The following PTPRD variants were observed in gnomAD, a reference collection of about 807,000 sequenced individuals.
The protein encoded by PTPRD is protein tyrosine phosphatase receptor type D.
A neutral mutation model predicts 214.5 loss-of-function variants in PTPRD; 34 were observed. The observed-to-expected ratio is 0.16, with a 90% CI of 0.12 to 0.21. The LOEUF is 0.21. Among genes scored for constraint, PTPRD ranks in the 10% least tolerant of loss-of-function variants. PTPRD has a pLI of 1.00. For synonymous variants in PTPRD, 1,128 were observed against 845.7 expected (o/e 1.33, Z -5.79); for missense variants, 2,545 against 2,398.7 (o/e 1.06, Z -1.27).
At chr9:8,723,369 A>G (rs964030457) in intron 12 of PTPRD, among the ~76,000 whole-genome samples, 4 of 151,746 alleles carry the variant, frequency 2.6e-5, no homozygotes, top group African/African-American at 9.7e-5. Flanking sequence ...ATCCTCTCTT[A>G]CTCTCATATT....
intron 2 of PTPRD, among the ~76,000 whole-genome samples, chr9:10,363,991 G>GTTTTTGTTTTTTTTTTTTT (rs1555222212): frequency 2.8e-5 from 1 of 35,132 alleles, no homozygotes; most frequent in Non-Finnish European, 5.5e-5. Context: ...ACATTTTCGG[G>GTTTTTGTTTTTTTTTTTTT]TTTTTTTTTT....
chr9:8,552,172 C>G (rs1021816868), intron 14 of PTPRD, among the ~76,000 whole-genome samples: 1 of 151,898 alleles, frequency 6.6e-6, no homozygotes, highest in African/African-American at 2.4e-5. Flanking sequence ...TGACCTATTA[C>G]CAATAACCAC....
intron 11 of PTPRD, among the ~76,000 whole-genome samples, chr9:8,786,616 C>T (rs1330747370): frequency 7.9e-5 from 12 of 151,178 alleles, no homozygotes; most frequent in Admixed American, 7.2e-4. Context: ...GGTTTCACCA[C>T]GTTGGCGAGG....
intron 11 of PTPRD, among the ~76,000 whole-genome samples, chr9:8,862,439 A>G (rs951337376): frequency 6.6e-6 from 1 of 152,214 alleles, no homozygotes; most frequent in African/African-American, 2.4e-5. Flanking sequence ...TTAAGGTGCC[A>G]TGCTAAATTT....
intron 34 of PTPRD, among the ~76,000 whole-genome samples, chr9:8,443,003 G>T (rs992314571): frequency 1.3e-5 from 2 of 152,130 alleles, no homozygotes; most frequent in Non-Finnish European, 2.9e-5. Flanking sequence ...AAATGAACCG[G>T]GCATTGTGGC....
intron 9 of PTPRD, among the ~76,000 whole-genome samples, chr9:9,187,507 G>A (rs2099932361): frequency 6.6e-6 from 1 of 152,076 alleles, no homozygotes; most frequent in African/African-American, 2.4e-5. Flanking sequence ...AGATGAATAA[G>A]AGAGTGTGAT....
intron 11 of PTPRD, among the ~76,000 whole-genome samples, chr9:8,792,014 G>A (rs1246607628): frequency 6.6e-6 from 1 of 152,152 alleles, no homozygotes; most frequent in Non-Finnish European, 1.5e-5. Flanking sequence ...TGAGAATTAT[G>A]AGGGAATGTG....
intron 35 of PTPRD, among the ~76,000 whole-genome samples, chr9:8,420,215 T>C (rs1181896127): frequency 6.6e-6 from 1 of 152,126 alleles, no homozygotes; most frequent in Non-Finnish European, 1.5e-5. Context: ...AATTTATGCA[T>C]CATTTATTTT....
intron 5 of PTPRD, among the ~76,000 whole-genome samples, chr9:9,820,130 C>T (rs2050199279): frequency 6.6e-6 from 1 of 152,138 alleles, no homozygotes; most frequent in African/African-American, 2.4e-5. Context: ...TCCCTTGAAA[C>T]CACACCTTGC....
chr9:10,190,718 C>CAAAAAAAAAAAAAAAAAAAA (rs57891244), intron 3 of PTPRD, among the ~76,000 whole-genome samples: 1 of 44,214 alleles, frequency 2.3e-5, no homozygotes, highest in Non-Finnish European at 4.3e-5. Flanking sequence ...AACTCTGTCT[C>CAAAAAAAAAAAAAAAAAAAA]AAAAAAAAAA....
intron 4 of PTPRD, among the ~76,000 whole-genome samples, chr9:9,976,629 C>G (rs1034859393): frequency 1.5e-5 from 2 of 136,218 alleles, no homozygotes; most frequent in African/African-American, 5.6e-5. Flanking sequence ...CTCAGGTGAT[C>G]CCCCGCCTTG....
chr9:8,873,969 A>G (rs765665790), intron 11 of PTPRD, among the ~76,000 whole-genome samples: 4 of 152,214 alleles, frequency 2.6e-5, no homozygotes, highest in Non-Finnish European at 5.9e-5. Flanking sequence ...CGGAGTCTCT[A>G]TCATACTGGA....
chr9:9,368,119 GA>G (rs1344140589), intron 9 of PTPRD, among the ~76,000 whole-genome samples: 1 of 151,694 alleles, frequency 6.6e-6, no homozygotes, highest in Non-Finnish European at 1.5e-5. Flanking sequence ...GCCCAAATTT[GA>G]TTTTAAGTAT....
chr9:8,843,568 T>A (rs1181240082), intron 11 of PTPRD, among the ~76,000 whole-genome samples: 1 of 152,180 alleles, frequency 6.6e-6, no homozygotes, highest in African/African-American at 2.4e-5. Context: ...CCACTTCAAA[T>A]GTAGCTAGCA....
intron 10 of PTPRD, among the ~76,000 whole-genome samples, chr9:9,151,309 G>A (rs931478628): frequency 6.6e-6 from 1 of 152,114 alleles, no homozygotes; most frequent in Non-Finnish European, 1.5e-5. Flanking sequence ...CAATGATATT[G>A]CACATCCTTT....
chr9:10,091,945 A>G (rs2098436218), intron 3 of PTPRD, among the ~76,000 whole-genome samples: 1 of 151,428 alleles, frequency 6.6e-6, no homozygotes. Flanking sequence ...GCTTCAGAGT[A>G]GTAGTACAGT....
At chr9:10,301,271 C>A (rs1405091263) in intron 3 of PTPRD, among the ~76,000 whole-genome samples, 1 of 152,134 alleles carries the variant, frequency 6.6e-6, no homozygotes, top group African/African-American at 2.4e-5. Context: ...AGGTCACCAA[C>A]ATCAAAGACC....
chr9:10,309,486 C>T (rs975934932), intron 3 of PTPRD, among the ~76,000 whole-genome samples: 2 of 150,826 alleles, frequency 1.3e-5, no homozygotes, highest in African/African-American at 4.9e-5. Flanking sequence ...CTGAGTAGCT[C>T]GGACTACAGG....
intron 9 of PTPRD, among the ~76,000 whole-genome samples, chr9:9,214,848 A>G (rs1165473073): frequency 6.6e-6 from 1 of 152,168 alleles, no homozygotes; most frequent in East Asian, 1.9e-4. Flanking sequence ...ATATGTACTA[A>G]CAGTATTACT....
Sources: allele counts gnomAD v4.1 joint callset (sites outside exome capture counted in the v4.1 genomes callset), GRCh38; gene constraint gnomAD v4.1.1; transcripts MANE v1.5; gene names NCBI Gene and HGNC (gene_info 2026-07-23, HGNC 2026-07-21).